CCDC88C: variants seen among roughly 807,000 people sequenced by gnomAD.
CCDC88C encodes protein Daple.
CCDC88C carries 131 observed loss-of-function variants against 198.8 expected under a neutral mutation model. The observed-to-expected ratio is 0.66, with a 90% CI of 0.57 to 0.76. The LOEUF is 0.76. Among genes scored for constraint, CCDC88C ranks in the 30% least tolerant of loss-of-function variants. The probability of loss-of-function intolerance (pLI) is 0.00; values close to 1 mark genes in which losing one functional copy is unlikely to be tolerated. For synonymous variants in CCDC88C, 1,166 were observed against 1,114.7 expected, an observed-to-expected ratio of 1.05 and a Z score of -0.92; for missense variants, 2,553 against 2,631.6, an observed-to-expected ratio of 0.97 and a Z score of 0.65.
At chr14:91,347,487 G>GA (rs1294127282) in intron 4 of CCDC88C, among the ~76,000 whole-genome samples, 5 of 151,808 alleles carry the variant, frequency 3.3e-5, no homozygotes, top group Non-Finnish European at 7.4e-5. Context: ...AAATTTACAA[G>GA]AAAAAAACAA....
chr14:91,281,586 C>G, intron 26 of CCDC88C, 61 bp from the exon 27 acceptor site: 1 of 1,489,120 alleles, frequency 6.7e-7, no homozygotes, highest in Non-Finnish European at 9.3e-7. Context: ...CACAGGGAAC[C>G]CCGCCACCTC....
intron 3 of CCDC88C, chr14:91,379,194 G>C (rs1297045717): frequency 6.6e-6 from 1 of 152,268 alleles, no homozygotes; most frequent in African/African-American, 2.4e-5. Flanking sequence ...CTGGTCCCTT[G>C]ACAGGGAGCA....
In CCDC88C at chr14:91,303,798, G is replaced by A. The variant is rs775512754; in HGVS notation, c.3538C>T (p.Arg1180Trp). The A allele has an allele frequency of 1.9e-6, 3 of 1,613,324 alleles. No homozygotes were observed. The highest frequency in any genetic ancestry group is 1.1e-5 in the South Asian group (1 of 91,084). ...AGGGCCTCGTACTCGGCCGATTGCC[G>A]CTCGTGCAGCGTGCCCAGGTGCTCG... ...DHEHLGTLHE[R>W]QSAEYEALIR... The change falls in exon 20 of 30, where the codon CGG becomes TGG. Residue 1180 changes from arginine to tryptophan, a missense_variant. Transcript: ENST00000389857.
chr14:91,295,952 C>T lies in CCDC88C; in HGVS notation c.3966+1353G>A, dbSNP rs564469490. Among the ~76,000 whole-genome samples, 6 of 152,244 alleles carry T rather than the reference C, an allele frequency of 3.9e-5. No homozygotes were observed. In the East Asian group the frequency reaches 5.8e-4, roughly 15 times the overall value. On this transcript the variant is annotated intron_variant, in intron 22 of 29. Transcript: ENST00000389857. ...GACACGTAGATACTGGGAATGAGCC[C>T]GCACAGAGAAAAAGAGCACTGCCTG...
In CCDC88C at chr14:91,364,261, G is replaced by T. The variant is rs371860373; in HGVS notation, c.271-4550C>A. 8.5e-5 allele frequency among the ~76,000 whole-genome samples: 13 copies of T among 152,196 alleles called. No homozygotes were observed. The East Asian group carries it at 9.6e-4, about 11-fold the overall frequency. ...CCCTTCCGCAGAGCACATGGTAGGG[G>T]TGTGGCATTGCAATCCAGGGTAGAT... On this transcript the variant is annotated intron_variant, in intron 3 of 29. Transcript: ENST00000389857.
intron 3 of CCDC88C, among the ~76,000 whole-genome samples, chr14:91,404,480 A>C (rs1886374577): frequency 6.6e-6 from 1 of 152,208 alleles, no homozygotes; most frequent in Non-Finnish European, 1.5e-5. Flanking sequence ...CATGTGCGTC[A>C]GAATCACCTG....
At chr14:91,331,348 T>C (rs568552726) in intron 10 of CCDC88C, among the ~76,000 whole-genome samples, 106 of 152,172 alleles carry the variant, frequency 7.0e-4, no homozygotes, top group Non-Finnish European at 1.3e-3. Context: ...TGAAGATGAC[T>C]GAGACCTCTG....
chr14:91,279,173 T>C (rs1376409736), intron 28 of CCDC88C, 65 bp downstream of exon 28: 20 of 1,362,664 alleles, frequency 1.5e-5, no homozygotes, highest in Non-Finnish European at 2.0e-5. Context: ...GTGCTGATTA[T>C]AGGCATGAGC....
intron 2 of CCDC88C, among the ~76,000 whole-genome samples, chr14:91,413,533 G>A (rs1886894254): frequency 1.3e-5 from 2 of 152,160 alleles, no homozygotes; most frequent in Admixed American, 1.3e-4. Context: ...CTTGGGTGCT[G>A]GTAGGTACCC....
chr14:91,379,869 C>T (rs541814430), intron 3 of CCDC88C: 25 of 702,878 alleles, frequency 3.6e-5, no homozygotes, highest in Admixed American at 3.0e-4. Context: ...GTTTAGTTAC[C>T]GGAAAAAGGG....
intron 26 of CCDC88C, among the ~76,000 whole-genome samples, chr14:91,282,566 C>T (rs191507954): frequency 2.2e-4 from 34 of 152,254 alleles, no homozygotes; most frequent in African/African-American, 7.0e-4. Context: ...GAGTGTCACC[C>T]GGCAAGATCT....
At chr14:91,393,437 G>C (rs1885650430) in intron 3 of CCDC88C, among the ~76,000 whole-genome samples, 1 of 152,202 alleles carries the variant, frequency 6.6e-6, no homozygotes, top group Admixed American at 6.5e-5. Context: ...GGTAGGAGAA[G>C]GGGTACAGAC....
At chr14:91,374,098 G>T (rs544422208) in intron 3 of CCDC88C, among the ~76,000 whole-genome samples, 2 of 152,364 alleles carry the variant, frequency 1.3e-5, no homozygotes, top group South Asian at 4.1e-4. Flanking sequence ...ATGCCTGCCA[G>T]CTGCTGGCTA....
chr14:91,322,216 G>A (rs983067245), intron 12 of CCDC88C, among the ~76,000 whole-genome samples: 1 of 152,174 alleles, frequency 6.6e-6, no homozygotes, highest in African/African-American at 2.4e-5. Flanking sequence ...CTTCACCCCA[G>A]GGGCTGTGGG....
intron 2 of CCDC88C, among the ~76,000 whole-genome samples, chr14:91,409,369 A>T (rs1360548784): frequency 6.6e-6 from 1 of 151,948 alleles, no homozygotes; most frequent in African/African-American, 2.4e-5. Flanking sequence ...TTATAGAGAC[A>T]GGGTCTCACT....
intron 3 of CCDC88C, among the ~76,000 whole-genome samples, chr14:91,365,843 T>C (rs1239779002): frequency 6.6e-6 from 1 of 152,034 alleles, no homozygotes; most frequent in Admixed American, 6.6e-5. Context: ...AAATTAACGC[T>C]GGGGAACGGT....
At chr14:91,387,537 A>T (rs1481127670) in intron 3 of CCDC88C, among the ~76,000 whole-genome samples, 3 of 152,174 alleles carry the variant, frequency 2.0e-5, no homozygotes, top group African/African-American at 7.2e-5. Context: ...AGATTTCCAA[A>T]GCCAGATGGA....
Position 91,335,293 on chromosome 14 carries a change from A to G in CCDC88C, c.1050+2712T>C, listed in dbSNP as rs191710941. Among the ~76,000 whole-genome samples, 405 of 152,150 alleles carry G rather than the reference A, an allele frequency of 2.7e-3. 3 individuals are homozygous for G. The highest frequency in any genetic ancestry group is 3.6e-3 in the Non-Finnish European group (246 of 67,990). Reference sequence around the variant, plus strand: ...ACCCCACGCCACCCGCCTCGTGAAAATGCTTGATGGGCACGATGCACGCTG... The same window carrying G: ...ACCCCACGCCACCCGCCTCGTGAAAGTGCTTGATGGGCACGATGCACGCTG... On this transcript the variant is annotated intron_variant, in intron 10 of 29. Transcript: ENST00000389857.
rs1311355096 is a variant in CCDC88C at position 91,305,781 on chromosome 14, T to C, written c.3341A>G (p.Gln1114Arg). ...CCCGCTCACCTGCAGCTTGGCGGTC[T>C]GGGTCTGCAGTGTGGTGTTGTGCTC... Reference protein sequence around the residue: ...LQEHNTTLQTQTAKLQVENST... With the variant: ...LQEHNTTLQTRTAKLQVENST... Residue 1114 changes from glutamine (Q) to arginine (R), a missense_variant, in exon 19 of 30, where the codon CAG (glutamine) becomes CGG (arginine). Coordinates refer to ENST00000389857, the MANE Select transcript of CCDC88C (RefSeq NM_001080414.4). 3 of 1,601,702 alleles carry C rather than the reference T, an allele frequency of 1.9e-6. No individual in the cohort carries two copies. In the South Asian group the frequency reaches 3.3e-5, roughly 18 times the overall value.
Sources: gnomAD v4.1 joint callset for allele counts (sites outside exome capture counted in the v4.1 genomes callset) on GRCh38, gnomAD v4.1.1 for gene constraint, MANE v1.5 for transcripts, NCBI Gene and HGNC (gene_info 2026-07-23, HGNC 2026-07-21) for gene names.